BANK1: variants seen among roughly 807,000 people sequenced by gnomAD.
BANK1 encodes the protein B-cell scaffold protein with ankyrin repeats.
A neutral mutation model predicts 94.5 loss-of-function variants in BANK1; 95 were observed. The ratio of observed to expected loss-of-function variants is 1.00; its 90% CI spans 0.85 to 1.19. The LOEUF is 1.19. Ranked by LOEUF, BANK1 falls within the 50% of genes most tolerant of loss-of-function variation. The pLI is 0.00. For synonymous variants in BANK1, 334 were observed against 308.4 expected, an observed-to-expected ratio of 1.08 and a Z score of -0.87; for missense variants, 987 against 932.2, an observed-to-expected ratio of 1.06 and a Z score of -0.77.
intron 6 of BANK1, among the ~76,000 whole-genome samples, chr4:101,913,906 C>A (rs1220477158): frequency 6.6e-6 from 1 of 152,168 alleles, no homozygotes; most frequent in African/African-American, 2.4e-5. Flanking sequence ...CTTGTCAACT[C>A]ATCATGCAGG....
At chr4:101,839,357 A>C (rs1409967047) in intron 2 of BANK1, among the ~76,000 whole-genome samples, 2 of 152,176 alleles carry the variant, frequency 1.3e-5, no homozygotes, top group South Asian at 4.1e-4. Context: ...TCCTTTTGAC[A>C]GTAAGAGAAA....
chr4:101,903,286 T>C (rs145911589), intron 6 of BANK1, among the ~76,000 whole-genome samples: 5 of 152,214 alleles, frequency 3.3e-5, no homozygotes, highest in Non-Finnish European at 7.3e-5. Flanking sequence ...CAAAGTCAGC[T>C]AAATGGGTTT....
intron 7 of BANK1, among the ~76,000 whole-genome samples, chr4:101,947,284 AATATATATATATAT>A (rs36202521): frequency 1.7e-5 from 1 of 58,236 alleles, no homozygotes. Context: ...AGAAGTTGTA[AATATATATATATAT>A]ATATATATAT....
chr4:101,825,909 T>A (rs1180159359), intron 1 of BANK1, among the ~76,000 whole-genome samples: 1 of 152,042 alleles, frequency 6.6e-6, no homozygotes, highest in African/African-American at 2.4e-5. Flanking sequence ...GTAATTTTCT[T>A]GGGCTTTGAA....
chr4:102,009,174 C>A (rs573933567), intron 7 of BANK1, among the ~76,000 whole-genome samples: 11 of 152,328 alleles, frequency 7.2e-5, no homozygotes, highest in African/African-American at 2.6e-4. Context: ...CCCATGTGTG[C>A]TCCATAGGCA....
intron 1 of BANK1, among the ~76,000 whole-genome samples, chr4:101,808,770 A>G (rs989250830): frequency 2.0e-5 from 3 of 152,224 alleles, no homozygotes; most frequent in African/African-American, 7.2e-5. Context: ...ATCACTAATT[A>G]TCAGGGAAAT....
chr4:102,033,958 G>T (rs1177128327), intron 10 of BANK1, among the ~76,000 whole-genome samples: 6 of 152,068 alleles, frequency 3.9e-5, no homozygotes, highest in Non-Finnish European at 7.4e-5. Context: ...ATTAGGAAGA[G>T]ATTACCTCAT....
Position 101,918,007 on chromosome 4 carries a change from G to T in BANK1, c.1024G>T (p.Glu342Ter), listed in dbSNP as rs1213771996. 6.2e-7 allele frequency: 1 copy of T among 1,604,222 alleles called. No individual in the cohort carries two copies. Among genetic ancestry groups the T allele is most frequent in the Non-Finnish European group, 8.5e-7 (1 of 1,173,434 alleles). Residue 342 changes from glutamate to a stop codon, truncating the protein, a stop_gained, in exon 7 of 17, where the codon GAA (glutamate) becomes TAA (stop). Coordinates refer to ENST00000322953, the MANE Select transcript of BANK1 (RefSeq NM_017935.5). LOFTEE classifies it high-confidence loss of function. ...CSQNKYTHFKELPTLLHCAAK... is the reference protein window; with the variant it reads ...CSQNKYTHFK Reference sequence around the variant, plus strand: ...TATGCTTACAGATACTCATTTCAAAGAACTTCCAACTCTTCTCCACTGTGC... The same window carrying T: ...TATGCTTACAGATACTCATTTCAAATAACTTCCAACTCTTCTCCACTGTGC...
At chr4:102,053,860 T>C (rs1392520603) in intron 11 of BANK1, among the ~76,000 whole-genome samples, 2 of 151,710 alleles carry the variant, frequency 1.3e-5, no homozygotes, top group Non-Finnish European at 2.9e-5. Flanking sequence ...GAAAAAAATG[T>C]TTTTTCATTC....
chr4:101,862,633 G>C lies in BANK1; in HGVS notation c.732G>C (p.Trp244Cys), dbSNP rs766921239. 1 of 1,608,112 alleles carries C rather than the reference G, an allele frequency of 6.2e-7. No individual in the cohort carries two copies. Among genetic ancestry groups the C allele is most frequent in the South Asian group, 1.1e-5 (1 of 89,878 alleles). The change falls in exon 4 of 17, where the codon TGG becomes TGC. Residue 244 changes from tryptophan to cysteine, a missense_variant. Physicochemically the swap from Trp to Cys is radical, Grantham distance 215 (BLOSUM62 -2). Transcript: ENST00000322953. ...NKRIRTRPAL[W>C]NKKVWCMKAL... is the part of the protein sequence containing the mutation. ...GCATTAGAACACGGCCAGCCCTTTGGAATAAGAAAGTCTGGTGCATGAAAG... is the reference window on the plus strand; with the variant it reads ...GCATTAGAACACGGCCAGCCCTTTGCAATAAGAAAGTCTGGTGCATGAAAG...
chr4:102,045,400 T>A (rs1291713359), intron 11 of BANK1, among the ~76,000 whole-genome samples: 1 of 152,122 alleles, frequency 6.6e-6, no homozygotes, highest in African/African-American at 2.4e-5. Flanking sequence ...ATGCCCTCTC[T>A]CACCACTCCT....
intron 1 of BANK1, among the ~76,000 whole-genome samples, chr4:101,809,810 G>T (rs1333483239): frequency 6.6e-6 from 1 of 152,200 alleles, no homozygotes; most frequent in African/African-American, 2.4e-5. Flanking sequence ...AGGAAAGGAA[G>T]AGAAGGAACT....
chr4:101,794,092 G>C (rs1197236028), intron 1 of BANK1, among the ~76,000 whole-genome samples: 1 of 152,042 alleles, frequency 6.6e-6, no homozygotes, highest in Non-Finnish European at 1.5e-5. Flanking sequence ...ATAATGAGAA[G>C]AACTAAGGAT....
chr4:101,949,537 G>A (rs945143206), intron 7 of BANK1, among the ~76,000 whole-genome samples: 5 of 152,022 alleles, frequency 3.3e-5, no homozygotes, highest in Admixed American at 6.6e-5. Flanking sequence ...GAAATATTAC[G>A]TAAAGCTCTT....
intron 3 of BANK1, among the ~76,000 whole-genome samples, chr4:101,855,848 A>G (rs1447597514): frequency 1.3e-5 from 2 of 152,180 alleles, no homozygotes; most frequent in Non-Finnish European, 2.9e-5. Context: ...TAAGAGTATA[A>G]TGTGGGGGGA....
intron 7 of BANK1, among the ~76,000 whole-genome samples, chr4:101,947,467 T>G (rs1723975905): frequency 6.6e-6 from 1 of 151,168 alleles, no homozygotes; most frequent in African/African-American, 2.4e-5. Flanking sequence ...GAATACATCA[T>G]TTAATTGAAT....
At chr4:101,934,909 A>G (rs556492647) in intron 7 of BANK1, among the ~76,000 whole-genome samples, 1 of 151,644 alleles carries the variant, frequency 6.6e-6, no homozygotes, top group South Asian at 2.1e-4. Flanking sequence ...CAGCAGTACC[A>G]TGGCTAACTC....
chr4:101,947,263 G>GT, intron 7 of BANK1, among the ~76,000 whole-genome samples: 1 of 117,508 alleles, frequency 8.5e-6, no homozygotes, highest in Non-Finnish European at 1.8e-5. Context: ...GTGAGAGAGG[G>GT]TTGTGTTTGA....
chr4:101,851,514 T>C (rs1215795856), intron 2 of BANK1, among the ~76,000 whole-genome samples: 1 of 152,178 alleles, frequency 6.6e-6, no homozygotes, highest in Non-Finnish European at 1.5e-5. Flanking sequence ...AAAGGAATAA[T>C]GAGTGAATTT....
Sources: gnomAD v4.1 joint callset for allele counts (sites outside exome capture counted in the v4.1 genomes callset) on GRCh38, gnomAD v4.1.1 for gene constraint, MANE v1.5 for transcripts, NCBI Gene and HGNC (gene_info 2026-07-23, HGNC 2026-07-21) for gene names.